The following SLC17A5 variants were observed in gnomAD, a reference collection of about 807,000 sequenced individuals.
SLC17A5 encodes solute carrier family 17 member 5, also known as sialin.
SLC17A5 carries 47 observed loss-of-function variants against 59.4 expected under a neutral mutation model. That is an observed-to-expected ratio of 0.79 (90% confidence interval 0.63 to 1.01). The LOEUF (loss-of-function observed/expected upper bound fraction) is 1.01. Among genes scored for constraint, SLC17A5 ranks in the 50% least tolerant of loss-of-function variants. The probability of loss-of-function intolerance (pLI) is 0.00; values close to 1 mark genes in which losing one functional copy is unlikely to be tolerated. For synonymous variants in SLC17A5, 202 were observed against 210.7 expected, an observed-to-expected ratio of 0.96 and a Z score of 0.36; for missense variants, 522 against 595.5, an observed-to-expected ratio of 0.88 and a Z score of 1.28.
intron 7 of SLC17A5, among the ~76,000 whole-genome samples, chr6:73,617,935 G>T (rs1271130370): frequency 6.6e-6 from 1 of 151,720 alleles, no homozygotes; most frequent in African/African-American, 2.4e-5. Flanking sequence ...TAAAAAAATT[G>T]ATTCCAATTT....
At chr6:73,651,460 C>CAAAAAAAAAAAAA (rs538079302) in intron 1 of SLC17A5, among the ~76,000 whole-genome samples, 3 of 29,910 alleles carry the variant, frequency 1.0e-4, no homozygotes, top group Non-Finnish European at 2.3e-4. Flanking sequence ...AACTCCGTCT[C>CAAAAAAAAAAAAA]AAAAAAAAAA....
intron 1 of SLC17A5, among the ~76,000 whole-genome samples, chr6:73,650,175 AC>A (rs1769777655): frequency 6.8e-6 from 1 of 147,562 alleles, no homozygotes; most frequent in African/African-American, 2.5e-5. Context: ...AGCCTGAGCA[AC>A]TAAGTGAGAC....
chr6:73,597,571 GC>G, intron 10 of SLC17A5, among the ~76,000 whole-genome samples: 1 of 152,222 alleles, frequency 6.6e-6, no homozygotes, highest in East Asian at 1.9e-4. Flanking sequence ...GCTACCTTGA[GC>G]CCTGGAGTTT....
At chr6:73,627,787 C>T (rs1316810264) in intron 6 of SLC17A5, among the ~76,000 whole-genome samples, 1 of 151,988 alleles carries the variant, frequency 6.6e-6, no homozygotes, top group African/African-American at 2.4e-5. Flanking sequence ...TGCTACCACA[C>T]CCGGCTAATT....
At chr6:73,597,258 G>C (rs1014212862) in intron 10 of SLC17A5, among the ~76,000 whole-genome samples, 1 of 150,414 alleles carries the variant, frequency 6.6e-6, no homozygotes, top group Non-Finnish European at 1.5e-5. Flanking sequence ...ACGAGGTCAG[G>C]AGATGGAGAC....
chr6:73,644,605 T>C lies in SLC17A5; in HGVS notation c.95-2A>G, dbSNP rs1173595686. 4 of 1,612,296 alleles carry C rather than the reference T, an allele frequency of 2.5e-6. No individual in the cohort carries two copies. On this transcript the variant is annotated splice_acceptor_variant, in intron 1 of 10. Coordinates refer to ENST00000355773, the MANE Select transcript of SLC17A5 (RefSeq NM_012434.5). LOFTEE classifies it high-confidence loss of function. ...AACGAGCAGAGCAGCACACTGGAGC[T>C]GAAATAAAGATTGGGGAAAATTTTT...
chr6:73,597,657 C>T (rs1392189631), intron 10 of SLC17A5, among the ~76,000 whole-genome samples: 1 of 151,824 alleles, frequency 6.6e-6, no homozygotes, highest in East Asian at 1.9e-4. Flanking sequence ...TGGTAGTGTA[C>T]ATCTGTAGTC....
rs552400778 is a variant in SLC17A5 at position 73,609,750 on chromosome 6, T to TA, written c.1259+649dup. On this transcript the variant is annotated intron_variant, in intron 9 of 10. Transcript: ENST00000355773. ...GTGATGATAGTTAAAAGTTTAAATTTAAAAACAACTTCCTGCTTTAATTAT... is the reference window on the plus strand; with the variant it reads ...GTGATGATAGTTAAAAGTTTAAATTTAAAAAACAACTTCCTGCTTTAATTAT... 3.7e-4 allele frequency among the ~76,000 whole-genome samples: 57 copies of TA among 152,358 alleles called. 1 individual carries two copies. In the East Asian group the frequency reaches 9.1e-3, roughly 24 times the overall value.
In SLC17A5 at chr6:73,610,523, A is replaced by T. The variant is rs768777242; in HGVS notation, c.1136T>A (p.Leu379Gln). The T allele has an allele frequency of 2.1e-5, 34 of 1,614,064 alleles. No homozygotes were observed. The South Asian group carries it at 3.5e-4, about 17-fold the overall frequency. Residue 379 changes from leucine to glutamine, a missense_variant, in exon 9 of 11, where the codon CTG becomes CAG. Around this residue, in one of 3 missense-constraint regions of SLC17A5, gnomAD observed 153 missense variants for 168.5 expected, o/e 0.91. Transcript: ENST00000355773. The stretch of plus-strand genomic sequence containing the variant: ...ACAGCCAATGAAGCCAGCAGCTACC[A>T]GGAATACTGCAGGTCCAATCATTCC... ...LIGMIGPAVFLVAAGFIGCDY... is the reference protein window; with the variant it reads ...LIGMIGPAVFQVAAGFIGCDY...
rs1581997729 is a variant in SLC17A5, at chr6:73,653,893, T to C, written c.-7A>G. ...CTCGAACCGGAGACCTCATGACGCCTACGTGAGCAGGTGTACTCGCCACCT... is the reference window on the plus strand; with the variant it reads ...CTCGAACCGGAGACCTCATGACGCCCACGTGAGCAGGTGTACTCGCCACCT... On this transcript the variant is annotated 5_prime_UTR_variant, in exon 1 of 11. Transcript: ENST00000355773. The C allele has an allele frequency of 6.2e-7, 1 of 1,602,150 alleles. No individual in the cohort carries two copies. Among genetic ancestry groups the C allele is most frequent in the East Asian group, 2.3e-5 (1 of 44,418 alleles).
At chr6:73,639,452 G>A (rs1473738534) in intron 3 of SLC17A5, among the ~76,000 whole-genome samples, 2 of 152,142 alleles carry the variant, frequency 1.3e-5, no homozygotes, top group African/African-American at 4.8e-5. Flanking sequence ...TAATACCAAT[G>A]GAAGGCAAAG....
chr6:73,627,365 G>A (rs969069439), intron 6 of SLC17A5, among the ~76,000 whole-genome samples: 24 of 152,054 alleles, frequency 1.6e-4, no homozygotes, highest in Non-Finnish European at 2.5e-4. Context: ...GTGAGCGACC[G>A]TGCCTGGCCA....
Position 73,610,136 on chromosome 6 carries a change from C to T in SLC17A5, c.1259+264G>A, listed in dbSNP as rs1385981747. 7.9e-5 allele frequency among the ~76,000 whole-genome samples: 12 copies of T among 151,766 alleles called. 1 individual carries two copies. In the East Asian group the frequency reaches 1.7e-3, roughly 22 times the overall value. ...GCAACCTCTGCCTCCTGGGTTCAAG[C>T]GATTCTCCTGCCTCAGCCTCCTAAG... is the stretch of plus-strand genomic sequence containing the variant. On this transcript the variant is annotated intron_variant, in intron 9 of 10. Coordinates refer to ENST00000355773, the MANE Select transcript of SLC17A5 (RefSeq NM_012434.5).
chr6:73,606,585 C>T (rs546517904), intron 9 of SLC17A5, among the ~76,000 whole-genome samples: 1 of 150,822 alleles, frequency 6.6e-6, no homozygotes, highest in Admixed American at 6.7e-5. Context: ...CTTCAACCAC[C>T]CACCTGATGC....
At chr6:73,617,252 G>T (rs565489998) in intron 7 of SLC17A5, among the ~76,000 whole-genome samples, 8 of 151,140 alleles carry the variant, frequency 5.3e-5, no homozygotes, top group African/African-American at 1.9e-4. Context: ...GATTGCTCTG[G>T]TGCAGTCAGT....
chr6:73,610,594 T>A (rs1168604559), intron 8 of SLC17A5, 47 bp from the exon 9 acceptor site: 2 of 1,601,066 alleles, frequency 1.2e-6, no homozygotes, highest in Admixed American at 3.3e-5. Flanking sequence ...AGCATTAATA[T>A]TTGCTCTACC....
intron 1 of SLC17A5, among the ~76,000 whole-genome samples, chr6:73,651,804 C>T (rs1038892338): frequency 5.9e-5 from 9 of 152,080 alleles, no homozygotes; most frequent in Non-Finnish European, 1.2e-4. Context: ...CCGCCCGCCT[C>T]GGCCTCCCAA....
In SLC17A5 at chr6:73,641,858, T is replaced by C. The variant is rs1432042412; in HGVS notation, c.358A>G (p.Ile120Val). The C allele has an allele frequency of 3.1e-6, 5 of 1,614,188 alleles. No homozygotes were observed. The highest frequency in any genetic ancestry group is 2.2e-5 in the East Asian group (1 of 44,876). Residue 120 changes from isoleucine (I) to valine (V), a missense_variant, in exon 3 of 11, where the codon ATC (isoleucine) becomes GTC (valine). Ile to Val is a conservative substitution (Grantham distance 29). Around this residue, in one of 3 missense-constraint regions of SLC17A5, gnomAD observed 338 missense variants for 363.8 expected, o/e 0.93. Transcript: ENST00000355773. Reference protein sequence around the residue: ...WILGSFFYGYIITQIPGGYVA... With the variant: ...WILGSFFYGYVITQIPGGYVA... ...TATCCTCCAGGAATCTGTGTGATGA[T>C]GTAGCCATAAAAAAAGGAACCGAGA...
At chr6:73,600,508 CTTTTTT>C (rs11349241) in intron 9 of SLC17A5, 67 bp from the exon 10 acceptor site, 135 of 793,150 alleles carry the variant, frequency 1.7e-4, no homozygotes, top group Middle Eastern at 2.7e-4. Context: ...TTCTTTCCTT[CTTTTTT>C]TTTTTTTTTT....
Sources: gnomAD v4.1 joint callset for allele counts (sites outside exome capture counted in the v4.1 genomes callset) on GRCh38, gnomAD v4.1.1 for gene constraint, gnomAD v4.1.1 regional missense constraint, MANE v1.5 for transcripts, NCBI Gene and HGNC (gene_info 2026-07-23, HGNC 2026-07-21) for gene names.